The following GABRB1 variants were observed in gnomAD, a reference collection of about 807,000 sequenced individuals.
GABRB1 encodes gamma-aminobutyric acid type A receptor subunit beta1, also known as gamma-aminobutyric acid receptor subunit beta-1.
In GABRB1, 17 loss-of-function variants were observed where a neutral mutation model predicts 51.6. The observed-to-expected ratio is 0.33, with a 90% confidence interval of 0.23 to 0.49. GABRB1 has a LOEUF of 0.49. GABRB1 is among the 20% of genes least tolerant of loss of function. The pLI is 0.99. For missense variants in GABRB1, 410 were observed against 600.6 expected (o/e 0.68, Z 3.32); for synonymous variants, 247 against 218.9 (o/e 1.13, Z -1.14).
chr4:47,350,282 T>G (rs141591479), intron 5 of GABRB1, among the ~76,000 whole-genome samples: 17,013 of 141,076 alleles, frequency 0.12, 1,137 homozygotes, highest in South Asian at 0.19. Context: ...TATATATATA[T>G]ATATAGAGAG....
intron 3 of GABRB1, among the ~76,000 whole-genome samples, chr4:47,158,095 G>T (rs909782906): frequency 1.3e-5 from 2 of 152,042 alleles, no homozygotes; most frequent in African/African-American, 4.8e-5. Context: ...AACAAAAATA[G>T]TTTCCAAAGA....
At chr4:47,261,326 C>G (rs1470150963) in intron 4 of GABRB1, among the ~76,000 whole-genome samples, 4 of 152,278 alleles carry the variant, frequency 2.6e-5, no homozygotes, top group East Asian at 1.9e-4. Flanking sequence ...ATCTCCTTAA[C>G]CTGATAAGCA....
At position 47,349,760 on chromosome 4, in the gene GABRB1, A is replaced by G. The variant is rs113574191; in HGVS notation, c.544+29551A>G. Reference sequence around the variant, plus strand: ...ACGCCCATGCGGATTTGTCTCATTAATAAGATTTACATGGCCTTCTAGTCA... The same window carrying G: ...ACGCCCATGCGGATTTGTCTCATTAGTAAGATTTACATGGCCTTCTAGTCA... On this transcript the variant is annotated intron_variant, in intron 5 of 8. Transcript: ENST00000295454. 6.1e-3 allele frequency among the ~76,000 whole-genome samples: 928 copies of G among 152,340 alleles called. 10 individuals are homozygous for G. The highest frequency in any genetic ancestry group is 0.021 in the African/African-American group (862 of 41,572).
In GABRB1 at chr4:47,410,057, C is replaced by A. The variant is rs1002638024; in HGVS notation, c.1080+3131C>A. ...AATGTGGTAAGAATTCATTGTCTCT[C>A]GAATCAGTAAACTTTTATTCCTGGT... On this transcript the variant is annotated intron_variant, in intron 8 of 8. Transcript: ENST00000295454. Among the ~76,000 whole-genome samples the A allele has an allele frequency of 3.9e-5, 6 of 152,090 alleles. No homozygotes were observed. The East Asian group carries it at 7.7e-4, about 20-fold the overall frequency.
intron 4 of GABRB1, among the ~76,000 whole-genome samples, chr4:47,198,734 T>G (rs1029629752): frequency 6.6e-6 from 1 of 152,134 alleles, no homozygotes; most frequent in Non-Finnish European, 1.5e-5. Context: ...TTTAGTACAT[T>G]CTCCTGCTGC....
At chr4:47,206,875 T>G (rs1054666763) in intron 4 of GABRB1, among the ~76,000 whole-genome samples, 2 of 151,594 alleles carry the variant, frequency 1.3e-5, no homozygotes, top group Non-Finnish European at 2.9e-5. Context: ...TATGTGTGTG[T>G]GTATGTATAT....
chr4:47,122,066 C>T (rs113897688), intron 3 of GABRB1, among the ~76,000 whole-genome samples: 30 of 152,246 alleles, frequency 2.0e-4, no homozygotes, highest in African/African-American at 7.0e-4. Flanking sequence ...CTCTCAGACT[C>T]CAAAAACAGC....
At chr4:47,051,857 C>T (rs1314139230) in intron 3 of GABRB1, among the ~76,000 whole-genome samples, 1 of 152,142 alleles carries the variant, frequency 6.6e-6, no homozygotes, top group South Asian at 2.1e-4. Flanking sequence ...GGCTGGGTGA[C>T]ATGACTCACG....
intron 3 of GABRB1, among the ~76,000 whole-genome samples, chr4:47,152,353 A>C (rs985286321): frequency 6.6e-6 from 1 of 152,000 alleles, no homozygotes; most frequent in Non-Finnish European, 1.5e-5. Flanking sequence ...CAGGGCCCTG[A>C]AAGATAAACT....
intron 3 of GABRB1, among the ~76,000 whole-genome samples, chr4:47,129,820 A>G (rs1479031184): frequency 6.6e-6 from 1 of 152,138 alleles, no homozygotes. Flanking sequence ...CCCAGGGAAG[A>G]AAAAAGAGAG....
chr4:47,230,633 T>G (rs1004060297), intron 4 of GABRB1, among the ~76,000 whole-genome samples: 2 of 152,188 alleles, frequency 1.3e-5, no homozygotes, highest in African/African-American at 4.8e-5. Flanking sequence ...AACATTGAGC[T>G]TGCTAAGTAT....
At chr4:47,284,930 T>C (rs1194007052) in intron 4 of GABRB1, among the ~76,000 whole-genome samples, 2 of 152,216 alleles carry the variant, frequency 1.3e-5, no homozygotes, top group Non-Finnish European at 2.9e-5. Context: ...ACGTCTCAGA[T>C]AGTAACACAT....
At chr4:47,036,055 T>C (rs531908829) in intron 3 of GABRB1, among the ~76,000 whole-genome samples, 6 of 152,308 alleles carry the variant, frequency 3.9e-5, no homozygotes, top group African/African-American at 1.4e-4. Context: ...ATTCAAGCTG[T>C]TCCCAATATG....
chr4:47,070,891 C>G (rs1304024286), intron 3 of GABRB1, among the ~76,000 whole-genome samples: 1 of 152,168 alleles, frequency 6.6e-6, no homozygotes, highest in East Asian at 1.9e-4. Flanking sequence ...AGATCTCCAG[C>G]ATGAATTCCA....
At chr4:47,089,654 T>C (rs1402117564) in intron 3 of GABRB1, among the ~76,000 whole-genome samples, 1 of 152,188 alleles carries the variant, frequency 6.6e-6, no homozygotes, top group Non-Finnish European at 1.5e-5. Flanking sequence ...AATTCAAATA[T>C]TCAGATTCAA....
chr4:47,284,097 CAAA>C (rs780643469), intron 4 of GABRB1, among the ~76,000 whole-genome samples: 9 of 48,900 alleles, frequency 1.8e-4, no homozygotes, highest in East Asian at 1.2e-3. Flanking sequence ...GACTCAGTCT[CAAA>C]AAAAAAAAAA....
chr4:47,342,281 A>C (rs1725927472), intron 5 of GABRB1, among the ~76,000 whole-genome samples: 1 of 152,196 alleles, frequency 6.6e-6, no homozygotes, highest in Non-Finnish European at 1.5e-5. Flanking sequence ...GCAAGAAATA[A>C]ATAATTGCTA....
At chr4:47,005,601 A>G (rs1432843123) in intron 1 of GABRB1, among the ~76,000 whole-genome samples, 1 of 150,704 alleles carries the variant, frequency 6.6e-6, no homozygotes, top group Non-Finnish European at 1.5e-5. Flanking sequence ...GTCATAAGGT[A>G]AAAACCATCG....
Position 47,212,834 on chromosome 4 carries a change from T to C in GABRB1, c.461+51365T>C, listed in dbSNP as rs138801341. On this transcript the variant is annotated intron_variant, in intron 4 of 8. Coordinates refer to ENST00000295454, the MANE Select transcript of GABRB1 (RefSeq NM_000812.4). ...AGTCTATCCCCAATCCTGTCCCCAA[T>C]ATCCCCCAACAATCCCTCCCTAGTC... Among the ~76,000 whole-genome samples the C allele has an allele frequency of 1.1e-4, 17 of 152,250 alleles. No homozygotes were observed. The East Asian group carries it at 3.1e-3, about 28-fold the overall frequency.
Sources: allele counts gnomAD v4.1 joint callset (sites outside exome capture counted in the v4.1 genomes callset), GRCh38; gene constraint gnomAD v4.1.1; transcripts MANE v1.5; gene names NCBI Gene and HGNC (gene_info 2026-07-23, HGNC 2026-07-21).